Variants in TBC1D22A observed in about 807,000 individuals in gnomAD.
The protein encoded by TBC1D22A is TBC1 domain family member 22A.
In TBC1D22A, 38 loss-of-function variants were observed where a neutral mutation model predicts 60.2. That is an observed-to-expected ratio of 0.63 (90% CI 0.49 to 0.83). The LOEUF is 0.83. Ranked by LOEUF, TBC1D22A falls within the 40% of genes least tolerant of loss-of-function variation. The probability of loss-of-function intolerance (pLI) is 0.00; values close to 1 mark genes in which losing one functional copy is unlikely to be tolerated. For missense variants in TBC1D22A, 628 were observed against 701.0 expected, an observed-to-expected ratio of 0.90 and a Z score of 1.18; for synonymous variants, 302 against 281.7, an observed-to-expected ratio of 1.07 and a Z score of -0.72.
intron 4 of TBC1D22A, among the ~76,000 whole-genome samples, chr22:46,845,891 C>G (rs996672752): frequency 2.4e-4 from 37 of 152,158 alleles, no homozygotes; most frequent in Admixed American, 2.4e-3. Context: ...AGGAAGGAAC[C>G]GCGGCGAGCC....
chr22:46,919,567 G>A (rs1436175532), intron 8 of TBC1D22A, among the ~76,000 whole-genome samples: 1 of 152,068 alleles, frequency 6.6e-6, no homozygotes, highest in South Asian at 2.1e-4. Flanking sequence ...GAGAATTACT[G>A]GGTCACATGG....
At chr22:46,844,799 C>T (rs1041515206) in intron 4 of TBC1D22A, among the ~76,000 whole-genome samples, 6 of 152,144 alleles carry the variant, frequency 3.9e-5, no homozygotes, top group Admixed American at 3.3e-4. Flanking sequence ...GACGTCTGAG[C>T]GGGGTCATCC....
chr22:46,835,375 A>G (rs1482383325), intron 4 of TBC1D22A, among the ~76,000 whole-genome samples: 1 of 152,238 alleles, frequency 6.6e-6, no homozygotes, highest in African/African-American at 2.4e-5. Context: ...ATGAACAAAA[A>G]TGGGAAGTTC....
intron 5 of TBC1D22A, among the ~76,000 whole-genome samples, chr22:46,885,523 A>AATTACAT (rs1555925566): frequency 1.1e-4 from 16 of 152,324 alleles, no homozygotes; most frequent in African/African-American, 3.8e-4. Context: ...AAAGAAAAAG[A>AATTACAT]AGTAATCTTA....
chr22:46,788,064 G>A (rs2084241012), intron 1 of TBC1D22A, among the ~76,000 whole-genome samples: 1 of 151,090 alleles, frequency 6.6e-6, no homozygotes, highest in Admixed American at 6.6e-5. Flanking sequence ...AGCCTCCTAA[G>A]TAGCTGGGAC....
intron 7 of TBC1D22A, among the ~76,000 whole-genome samples, chr22:46,904,338 C>T (rs1001637917): frequency 1.4e-4 from 9 of 63,322 alleles, no homozygotes; most frequent in Middle Eastern, 6.3e-3. Context: ...TCAGTGATGT[C>T]TATGTGGCGA....
At chr22:47,072,948 A>G (rs927798831) in intron 11 of TBC1D22A, among the ~76,000 whole-genome samples, 7 of 152,252 alleles carry the variant, frequency 4.6e-5, no homozygotes, top group African/African-American at 1.7e-4. Context: ...TGAAGGATGG[A>G]TAGCTCTGGG....
At position 46,772,688 on chromosome 22, in the gene TBC1D22A, C is replaced by T. The variant is rs142152811; in HGVS notation, c.62+9840C>T. On this transcript the variant is annotated intron_variant, in intron 1 of 12. Coordinates refer to ENST00000337137, the MANE Select transcript of TBC1D22A (RefSeq NM_014346.5). ...TTGAGATGGGAGTCTCACTCTATCA[C>T]CAGGCTGGAGTGCAGTGGTGTGATC... Among the ~76,000 whole-genome samples the T allele has an allele frequency of 2.4e-3, 339 of 144,032 alleles. 7 individuals are homozygous for T. Among genetic ancestry groups the T allele is most frequent in the Non-Finnish European group, 4.3e-3 (283 of 66,346 alleles). The allele number at this position is 144,032 out of a possible 152,430, so 94.5% of individuals were successfully genotyped here. A position where few individuals can be genotyped will look rare whatever the true frequency, so the allele number is the denominator to read the frequency against.
chr22:46,912,095 A>G lies in TBC1D22A; in HGVS notation c.922A>G (p.Ile308Val). Residue 308 changes from isoleucine (I) to valine (V), a missense_variant, in exon 8 of 13, where the codon ATA (isoleucine) becomes GTA (valine). Transcript: ENST00000337137. ...TCAGATTTTTGAAAGGATCTTGTTC[A>G]TATGGGCGATCCGCCACCCAGCCAG... is the stretch of plus-strand genomic sequence containing the variant. ...VTEIFERILF[I>V]WAIRHPASGY... 1 of 1,613,882 alleles carries G rather than the reference A, an allele frequency of 6.2e-7. No homozygotes were observed. Among genetic ancestry groups the G allele is most frequent in the South Asian group, 1.1e-5 (1 of 90,952 alleles).
chr22:46,851,295 G>A (rs555413318), intron 4 of TBC1D22A, among the ~76,000 whole-genome samples: 4 of 152,338 alleles, frequency 2.6e-5, no homozygotes, highest in African/African-American at 4.8e-5. Context: ...GAACAGGTTC[G>A]ACTTTCACCG....
intron 12 of TBC1D22A, among the ~76,000 whole-genome samples, chr22:47,158,108 G>A (rs930493239): frequency 1.3e-5 from 2 of 152,176 alleles, no homozygotes; most frequent in Admixed American, 6.5e-5. Flanking sequence ...CCAGGACGCC[G>A]CAGCTCCAGG....
At chr22:47,171,274 C>T (rs2068437865) in intron 12 of TBC1D22A, among the ~76,000 whole-genome samples, 1 of 152,230 alleles carries the variant, frequency 6.6e-6, no homozygotes. Context: ...GCGACATGGG[C>T]ATCCCGAGCC....
intron 12 of TBC1D22A, among the ~76,000 whole-genome samples, chr22:47,171,556 G>T (rs1416914166): frequency 6.6e-6 from 1 of 152,056 alleles, no homozygotes; most frequent in Non-Finnish European, 1.5e-5. Context: ...CTGACCTGAT[G>T]GTCCCCTGTT....
chr22:47,164,285 G>T (rs1254885459), intron 12 of TBC1D22A, among the ~76,000 whole-genome samples: 2 of 152,250 alleles, frequency 1.3e-5, no homozygotes, highest in African/African-American at 4.8e-5. Flanking sequence ...TCGGTCACCA[G>T]CTTGAAGTCC....
At chr22:46,804,362 A>C (rs1463102132) in intron 4 of TBC1D22A, among the ~76,000 whole-genome samples, 1 of 152,202 alleles carries the variant, frequency 6.6e-6, no homozygotes, top group Non-Finnish European at 1.5e-5. Flanking sequence ...AAACCAACAA[A>C]CCAAAATTGC....
intron 5 of TBC1D22A, among the ~76,000 whole-genome samples, chr22:46,882,297 G>A (rs1246388321): frequency 6.6e-6 from 1 of 152,178 alleles, no homozygotes; most frequent in Non-Finnish European, 1.5e-5. Flanking sequence ...GAGGGTGTGG[G>A]AGGTTCAGGC....
intron 12 of TBC1D22A, 139 bp downstream of exon 12, chr22:47,111,742 T>C: frequency 1.3e-6 from 1 of 749,392 alleles, no homozygotes. Flanking sequence ...CTCCTGCTGG[T>C]TGAAAGCTCG....
At chr22:47,094,169 C>G (rs2065084104) in intron 11 of TBC1D22A, among the ~76,000 whole-genome samples, 1 of 152,058 alleles carries the variant, frequency 6.6e-6, no homozygotes, top group Admixed American at 6.6e-5. Context: ...GAGTTTCAGT[C>G]CTTTGATACT....
chr22:46,930,266 A>G (rs1472652954), intron 8 of TBC1D22A, among the ~76,000 whole-genome samples: 1 of 152,100 alleles, frequency 6.6e-6, no homozygotes, highest in African/African-American at 2.4e-5. Flanking sequence ...ATATTGTATT[A>G]TAGTATCTGA....
Sources: allele counts gnomAD v4.1 joint callset (sites outside exome capture counted in the v4.1 genomes callset), GRCh38; gene constraint gnomAD v4.1.1; transcripts MANE v1.5; gene names NCBI Gene and HGNC (gene_info 2026-07-23, HGNC 2026-07-21).